Variants in ITGAE observed in about 807,000 individuals in gnomAD.
The protein encoded by ITGAE is integrin subunit alpha E, also known as integrin alpha-E.
A neutral mutation model predicts 136.5 loss-of-function variants in ITGAE; 99 were observed. The ratio of observed to expected loss-of-function variants is 0.73; its 90% CI spans 0.62 to 0.86. The LOEUF is 0.86. Ranked by LOEUF, ITGAE falls within the 40% of genes least tolerant of loss-of-function variation. The pLI is 0.00. For missense variants in ITGAE, 1,447 were observed against 1,515.3 expected (o/e 0.95, Z 0.75); for synonymous variants, 613 against 591.8 (o/e 1.04, Z -0.52).
chr17:3,716,399 G>A (rs1001247132), intron 30 of ITGAE, among the ~76,000 whole-genome samples: 1 of 152,168 alleles, frequency 6.6e-6, no homozygotes, highest in Non-Finnish European at 1.5e-5. Context: ...AGGCCCTATT[G>A]AACTCACAGG....
intron 2 of ITGAE, among the ~76,000 whole-genome samples, chr17:3,772,445 C>T (rs552732252): frequency 6.6e-6 from 1 of 151,586 alleles, no homozygotes; most frequent in Admixed American, 6.6e-5. Flanking sequence ...ATCCTTACCA[C>T]TTAAATCTAA....
At chr17:3,781,546 G>A (rs1316105196) in intron 1 of ITGAE, among the ~76,000 whole-genome samples, 4 of 151,852 alleles carry the variant, frequency 2.6e-5, no homozygotes, top group African/African-American at 4.8e-5. Context: ...TAGTAGAGAC[G>A]GGGTTTCACC....
intron 1 of ITGAE, among the ~76,000 whole-genome samples, chr17:3,794,082 G>A (rs542609866): frequency 2.0e-5 from 3 of 148,730 alleles, no homozygotes; most frequent in African/African-American, 5.0e-5. Flanking sequence ...GGGTTCAAGC[G>A]ATTCTCCTGC....
At chr17:3,765,525 TAAG>T (rs2052278223) in intron 2 of ITGAE, among the ~76,000 whole-genome samples, 1 of 151,970 alleles carries the variant, frequency 6.6e-6, no homozygotes, top group Non-Finnish European at 1.5e-5. Context: ...TACAGAATAA[TAAG>T]AAAGTCTGCA....
intron 20 of ITGAE, among the ~76,000 whole-genome samples, chr17:3,737,103 G>A (rs908253260): frequency 6.6e-6 from 1 of 152,114 alleles, no homozygotes; most frequent in Non-Finnish European, 1.5e-5. Context: ...GACCAGCCTG[G>A]CCAACATGGT....
At chr17:3,724,428 AGTGCCT>A (rs1380967842) in intron 26 of ITGAE, 1 of 1,613,114 alleles carries the variant, frequency 6.2e-7, no homozygotes. Context: ...GCTGGGCATC[AGTGCCT>A]CCCTGTTCAG....
In ITGAE at chr17:3,797,170, T is replaced by A. The variant is rs1411817446; in HGVS notation, c.34+3941A>T. On this transcript the variant is annotated intron_variant, in intron 1 of 30. Coordinates refer to ENST00000263087, the MANE Select transcript of ITGAE (RefSeq NM_002208.5). ...ATATATATATATATTTTTTTTTTTT[T>A]TTTTTTTTTTTTTGAGACGGAGTCT... is the stretch of plus-strand genomic sequence containing the variant. Among the ~76,000 whole-genome samples, 669 of 126,752 alleles carry A rather than the reference T, an allele frequency of 5.3e-3. 10 individuals are homozygous for A. The highest frequency in any genetic ancestry group is 0.014 in the African/African-American group (495 of 35,448). The allele number at this position is 126,752 out of a possible 152,430, so 83.2% of individuals were successfully genotyped here. A position where few individuals can be genotyped will look rare whatever the true frequency, so the allele number is the denominator to read the frequency against.
chr17:3,747,476 A>AT (rs1349786846), intron 17 of ITGAE, among the ~76,000 whole-genome samples: 1 of 151,904 alleles, frequency 6.6e-6, no homozygotes, highest in Non-Finnish European at 1.5e-5. Context: ...TGCCCGGCTA[A>AT]TTTTTTGTAT....
At chr17:3,734,992 G>A in intron 20 of ITGAE, 43 bp from the exon 21 acceptor site, 1 of 1,610,914 alleles carries the variant, frequency 6.2e-7, no homozygotes, top group Non-Finnish European at 8.5e-7. Context: ...TATTTCATCT[G>A]TAAAAACCTC....
intron 20 of ITGAE, among the ~76,000 whole-genome samples, chr17:3,739,443 G>T (rs531973102): frequency 6.6e-6 from 1 of 152,328 alleles, no homozygotes; most frequent in South Asian, 2.1e-4. Context: ...TGGCCAAGAG[G>T]TGGGCCGGGA....
intron 2 of ITGAE, among the ~76,000 whole-genome samples, chr17:3,764,295 T>G (rs1487201615): frequency 6.6e-6 from 1 of 152,124 alleles, no homozygotes; most frequent in Admixed American, 6.5e-5. Flanking sequence ...TTGGTTCTGT[T>G]GGGGGCAGTG....
At chr17:3,746,710 G>A (rs532907194) in intron 17 of ITGAE, among the ~76,000 whole-genome samples, 3 of 151,806 alleles carry the variant, frequency 2.0e-5, no homozygotes, top group Non-Finnish European at 4.4e-5. Context: ...CACCCGCCTC[G>A]GCCTCCCAAA....
intron 1 of ITGAE, 43 bp from the exon 2 acceptor site, chr17:3,777,703 T>C: frequency 6.4e-7 from 1 of 1,565,092 alleles, no homozygotes; most frequent in Non-Finnish European, 8.7e-7. Context: ...GGCCTTTTAC[T>C]CCCGTTATTC....
chr17:3,719,199 G>A (rs1330713013), intron 29 of ITGAE, among the ~76,000 whole-genome samples: 6 of 140,204 alleles, frequency 4.3e-5, no homozygotes, highest in East Asian at 4.0e-4. Flanking sequence ...TGGCACCAAC[G>A]GACTCCAGCC....
intron 1 of ITGAE, among the ~76,000 whole-genome samples, chr17:3,793,854 G>T (rs932705683): frequency 6.6e-6 from 1 of 151,202 alleles, no homozygotes; most frequent in African/African-American, 2.4e-5. Flanking sequence ...CCCCCTTTGA[G>T]AATCTGATGG....
chr17:3,751,910 G>C (rs1311736961), intron 14 of ITGAE, 36 bp from the exon 15 acceptor site: 2 of 1,573,404 alleles, frequency 1.3e-6, no homozygotes, highest in Non-Finnish European at 1.7e-6. Flanking sequence ...CCTCAAGAAG[G>C]GGTGCTAGGT....
In ITGAE at chr17:3,750,246, G is replaced by A. The variant is rs1424624679; in HGVS notation, c.2024+106C>T. On this transcript the variant is annotated intron_variant, in intron 16 of 30. Coordinates refer to ENST00000263087, the MANE Select transcript of ITGAE (RefSeq NM_002208.5). ...TCCAGAGCCTGTGCCCACAACCACG[G>A]TGCTGGCTCCCTCCCTCAGTGCCTA... 4.7e-6 allele frequency: 7 copies of A among 1,483,178 alleles called. No homozygotes were observed. In the Admixed American group the frequency reaches 1.2e-4, roughly 25 times the overall value. 91.9% of individuals were successfully genotyped at this position (1,483,178 alleles called of 1,614,324 possible).
rs1282977051 is a variant in ITGAE at position 3,799,464 on chromosome 17, GGGT to G, written c.34+1644_34+1646del. On this transcript the variant is annotated intron_variant, in intron 1 of 30. Transcript: ENST00000263087. This position sits in a 1 kb window ranked among gnomAD's most constrained non-coding sequence, Gnocchi z 4.1. Reference sequence around the variant, plus strand: ...CTGCTGGAAAAGGCACTGAGGTGATGGGTGGTGGTCTCAGAGGCTAAAGGAGAC... The same window carrying G: ...CTGCTGGAAAAGGCACTGAGGTGATGGGTGGTCTCAGAGGCTAAAGGAGAC... Among the ~76,000 whole-genome samples the G allele has an allele frequency of 6.6e-6, 1 of 152,144 alleles. No homozygotes were observed. Among genetic ancestry groups the G allele is most frequent in the Non-Finnish European group, 1.5e-5 (1 of 68,028 alleles).
rs1158674617 is a variant in ITGAE at position 3,758,587 on chromosome 17, G to A, written c.867-728C>T. 2.0e-5 allele frequency among the ~76,000 whole-genome samples: 3 copies of A among 152,058 alleles called. No individual in the cohort carries two copies. The East Asian group carries it at 5.8e-4, about 30-fold the overall frequency. ...CCTGCCTCAGCCTCCCGAGTAGCTGGGATTACAGGCACCTGCCACCACACC... is the reference window on the plus strand; with the variant it reads ...CCTGCCTCAGCCTCCCGAGTAGCTGAGATTACAGGCACCTGCCACCACACC... On this transcript the variant is annotated intron_variant, in intron 8 of 30. Coordinates refer to ENST00000263087, the MANE Select transcript of ITGAE (RefSeq NM_002208.5).
Sources: gnomAD v4.1 joint callset for allele counts (sites outside exome capture counted in the v4.1 genomes callset) on GRCh38, gnomAD v4.1.1 for gene constraint, Gnocchi (gnomAD v3.1) non-coding constraint, MANE v1.5 for transcripts, NCBI Gene and HGNC (gene_info 2026-07-23, HGNC 2026-07-21) for gene names.